The following PALM2AKAP2 variants were observed in gnomAD, a reference collection of about 807,000 sequenced individuals.
PALM2AKAP2 encodes PALM2-AKAP2 fusion protein.
Under a neutral mutation model 71.5 loss-of-function variants are expected in PALM2AKAP2, and 37 were observed. The observed-to-expected ratio is 0.52, with a 90% CI of 0.40 to 0.68. PALM2AKAP2 has a LOEUF of 0.68. Ranked by LOEUF, PALM2AKAP2 falls within the 30% of genes least tolerant of loss-of-function variation. The pLI, the probability that PALM2AKAP2 is intolerant of heterozygous loss-of-function variation, is 0.00. For missense variants in PALM2AKAP2, 1,224 were observed against 1,191.8 expected (o/e 1.03, Z -0.40); for synonymous variants, 468 against 478.8 (o/e 0.98, Z 0.29).
chr9:109,726,958 A>G (rs1485753127), intron 1 of PALM2AKAP2, among the ~76,000 whole-genome samples: 1 of 152,252 alleles, frequency 6.6e-6, no homozygotes. Context: ...TCCATTGGAC[A>G]GGACAATCTA....
chr9:109,867,785 G>C (rs184550688), intron 2 of PALM2AKAP2, among the ~76,000 whole-genome samples: 10 of 152,158 alleles, frequency 6.6e-5, no homozygotes, highest in African/African-American at 2.4e-4. Flanking sequence ...TAAGATTACA[G>C]TGTGCATGTG....
chr9:109,871,598 T>C (rs1350510043), intron 2 of PALM2AKAP2, among the ~76,000 whole-genome samples: 5 of 152,068 alleles, frequency 3.3e-5, no homozygotes, highest in Admixed American at 3.3e-4. Context: ...CATGCAGAGG[T>C]AAATCCTTCT....
chr9:109,697,656 G>T (rs1827992228), intron 1 of PALM2AKAP2, among the ~76,000 whole-genome samples: 1 of 152,122 alleles, frequency 6.6e-6, no homozygotes, highest in Admixed American at 6.5e-5. Flanking sequence ...AAATTAGCAT[G>T]TCAGTACTCT....
intron 3 of PALM2AKAP2, 45 bp from the exon 4 acceptor site, chr9:109,923,689 TG>T (rs1830888052): frequency 1.3e-6 from 2 of 1,534,246 alleles, no homozygotes; most frequent in Non-Finnish European, 1.7e-6. Context: ...TGCCCGTGGA[TG>T]GCAGGACAAT....
chr9:109,665,057 C>T (rs973299925), intron 1 of PALM2AKAP2, among the ~76,000 whole-genome samples: 3 of 152,162 alleles, frequency 2.0e-5, no homozygotes, highest in Non-Finnish European at 4.4e-5. Flanking sequence ...TTCTTCTCTA[C>T]AGTGTTTGTT....
chr9:110,094,672 GGGGC>G, intron 1 of PALM2AKAP2, among the ~76,000 whole-genome samples: 4 of 68,738 alleles, frequency 5.8e-5, no homozygotes, highest in African/African-American at 3.5e-4. Flanking sequence ...ACGGGGCGGG[GGGGC>G]GGGTAATCTG....
chr9:110,125,444 T>C (rs1835579311), intron 1 of PALM2AKAP2: 1 of 952,718 alleles, frequency 1.0e-6, no homozygotes, highest in East Asian at 1.2e-4. Flanking sequence ...AATGGCCTTT[T>C]AGGGAGCAGA....
At chr9:109,922,421 C>CAAAAAAAAAAAAAA (rs398011831) in intron 3 of PALM2AKAP2, among the ~76,000 whole-genome samples, 1 of 19,236 alleles carries the variant, frequency 5.2e-5, no homozygotes, top group Non-Finnish European at 8.9e-5. Flanking sequence ...GACTCTATCT[C>CAAAAAAAAAAAAAA]AAAAAAAAAA....
chr9:110,147,189 T>G (rs7873000), intron 2 of PALM2AKAP2, among the ~76,000 whole-genome samples: 23,733 of 150,708 alleles, frequency 0.16, 1,942 homozygotes, highest in African/African-American at 0.2. Context: ...AGGCGGAGGT[T>G]GTAGTGAGCT....
upstream of PALM2AKAP2, among the ~76,000 whole-genome samples, chr9:110,044,587 G>A (rs1220286794): frequency 6.6e-6 from 1 of 151,100 alleles, no homozygotes; most frequent in East Asian, 1.9e-4. Context: ...ACTGACCTCA[G>A]GTGATCCACC....
At chr9:109,744,981 A>G (rs941222120) in intron 1 of PALM2AKAP2, among the ~76,000 whole-genome samples, 1 of 152,180 alleles carries the variant, frequency 6.6e-6, no homozygotes, top group African/African-American at 2.4e-5. Flanking sequence ...CTCAGTCCCA[A>G]TAATTTTTGG....
intron 1 of PALM2AKAP2, among the ~76,000 whole-genome samples, chr9:109,645,881 G>A (rs1027471085): frequency 7.2e-5 from 11 of 152,144 alleles, no homozygotes; most frequent in Non-Finnish European, 1.2e-4. Flanking sequence ...ACAAACTTGC[G>A]CATGTACTCA....
chr9:110,158,020 T>G (rs2119230160), intron 3 of PALM2AKAP2, among the ~76,000 whole-genome samples: 1 of 152,302 alleles, frequency 6.6e-6, no homozygotes, highest in Admixed American at 6.5e-5. Flanking sequence ...CTGCAGCTAT[T>G]CTACTGGGCT....
chr9:109,997,221 A>G (rs1019602048), intron 6 of PALM2AKAP2, among the ~76,000 whole-genome samples: 7 of 152,118 alleles, frequency 4.6e-5, no homozygotes, highest in Admixed American at 3.9e-4. Flanking sequence ...ATAAAGTAAT[A>G]AAAAGTAAAT....
At chr9:109,755,687 C>G (rs2118721594) in intron 1 of PALM2AKAP2, among the ~76,000 whole-genome samples, 1 of 151,942 alleles carries the variant, frequency 6.6e-6, no homozygotes, top group Non-Finnish European at 1.5e-5. Context: ...AAAATAGTCC[C>G]CAGCCCCCAC....
Position 110,125,581 on chromosome 9 carries a change from G to A in PALM2AKAP2, c.157-10546G>A, listed in dbSNP as rs115925835. On this transcript the variant is annotated intron_variant, in intron 1 of 3. Transcript: ENST00000374525. The stretch of plus-strand genomic sequence containing the variant: ...AGTTCTCACTGAGGAGGTTTGAGGC[G>A]CGCGCTCTGGGCAGGGTAAGCCAAG... 552 of 985,450 alleles carry A rather than the reference G, an allele frequency of 5.6e-4. 3 individuals are homozygous for A. In the African/African-American group the frequency reaches 8.8e-3, roughly 16 times the overall value. The allele number at this position is 985,450 out of a possible 1,614,324, so 61.0% of individuals were successfully genotyped here. A position where few individuals can be genotyped will look rare whatever the true frequency, so the allele number is the denominator to read the frequency against.
intron 1 of PALM2AKAP2, among the ~76,000 whole-genome samples, chr9:109,744,856 A>G (rs1828775098): frequency 6.6e-6 from 1 of 152,124 alleles, no homozygotes; most frequent in Non-Finnish European, 1.5e-5. Flanking sequence ...TTTGAACACT[A>G]GGACCCTCCA....
rs965082252 is a variant in PALM2AKAP2, at chr9:110,138,016, C to T, written c.2046C>T (p.Thr682=). The T allele has an allele frequency of 4.3e-6, 7 of 1,613,844 alleles. No homozygotes were observed. In the African/African-American group the frequency reaches 5.3e-5, roughly 12 times the overall value. Residue 682 remains threonine (T), a synonymous_variant, in exon 2 of 4, where the codon ACC becomes ACT. Coordinates refer to ENST00000374525, the Ensembl canonical transcript of PALM2AKAP2. ...AGGTGGATAAAGCTGTGTCCAAAAC[C>T]AGCAGGGATGGAGCAGAGCAACAGG...
At chr9:109,764,174 C>T (rs1404945779) in intron 1 of PALM2AKAP2, among the ~76,000 whole-genome samples, 1 of 152,124 alleles carries the variant, frequency 6.6e-6, no homozygotes, top group Non-Finnish European at 1.5e-5. Flanking sequence ...AGTAAAGTAT[C>T]CCCAGTGAGC....
Sources: allele counts gnomAD v4.1 joint callset (sites outside exome capture counted in the v4.1 genomes callset), GRCh38; gene constraint gnomAD v4.1.1; transcripts MANE v1.5; gene names NCBI Gene and HGNC (gene_info 2026-07-23, HGNC 2026-07-21).